The following RGS18 variants were observed in gnomAD, a reference collection of about 807,000 sequenced individuals.
The protein encoded by RGS18 is regulator of G-protein signaling 18.
A neutral mutation model predicts 27.6 loss-of-function variants in RGS18; 22 were observed. The observed-to-expected ratio is 0.80, with a 90% CI of 0.57 to 1.14. The LOEUF is 1.14. Ranked by LOEUF, RGS18 falls within the 50% of genes most tolerant of loss-of-function variation. The probability of loss-of-function intolerance (pLI) is 0.00; values close to 1 mark genes in which losing one functional copy is unlikely to be tolerated. For missense variants in RGS18, 299 were observed against 269.6 expected, an observed-to-expected ratio of 1.11 and a Z score of -0.76; for synonymous variants, 89 against 84.6, an observed-to-expected ratio of 1.05 and a Z score of -0.29.
chr1:192,184,508 G>A lies in RGS18; in HGVS notation c.662G>A (p.Cys221Tyr), dbSNP rs1656511795. ...NLRRRSRSFT[C>Y]NEFQDVQSDV... is the part of the protein sequence containing the mutation. Reference sequence around the variant, plus strand: ...AGGAGACGATCACGCTCATTTACCTGCAATGAATTCCAAGATGTACAATCA... The same window carrying A: ...AGGAGACGATCACGCTCATTTACCTACAATGAATTCCAAGATGTACAATCA... The change falls in exon 5 of 5, where the codon TGC becomes TAC. Residue 221 changes from cysteine (C) to tyrosine (Y), a missense_variant. Transcript: ENST00000367460. 6.2e-7 allele frequency: 1 copy of A among 1,611,294 alleles called. No homozygotes were observed. Among genetic ancestry groups the A allele is most frequent in the Non-Finnish European group, 8.5e-7 (1 of 1,178,346 alleles).
chr1:192,161,719 G>C (rs982464079), intron 3 of RGS18, among the ~76,000 whole-genome samples: 1 of 152,184 alleles, frequency 6.6e-6, no homozygotes, highest in East Asian at 1.9e-4. Flanking sequence ...AGCGTTGCCC[G>C]TGTCTTTCAC....
intron 3 of RGS18, among the ~76,000 whole-genome samples, chr1:192,174,736 C>T (rs1162517970): frequency 6.6e-6 from 1 of 151,870 alleles, no homozygotes; most frequent in Non-Finnish European, 1.5e-5. Flanking sequence ...TGCTTAACCT[C>T]TGCACTGTGT....
chr1:192,160,637 G>T (rs1656053622), intron 3 of RGS18, 198 bp downstream of exon 3: 1 of 505,218 alleles, frequency 2.0e-6, no homozygotes, highest in Non-Finnish European at 3.5e-6. Flanking sequence ...ATTTTGTTTA[G>T]AATTACCTAC....
chr1:192,169,527 C>T (rs958576594), intron 3 of RGS18: 17 of 152,040 alleles, frequency 1.1e-4, no homozygotes, highest in African/African-American at 4.1e-4. Context: ...GATAAAATGC[C>T]TCTTTTTGTG....
chr1:192,163,252 G>A (rs971123432), intron 3 of RGS18: 7 of 152,094 alleles, frequency 4.6e-5, no homozygotes, highest in African/African-American at 1.7e-4. Context: ...TTACTAACCA[G>A]CTTAATAATC....
rs150436671 is a variant in RGS18, at chr1:192,185,357, T to C, written c.*803T>C. Reference sequence around the variant, plus strand: ...GCTAAGAAAACTTGCTACTAAACTATTAGGCCATCAATGGCTTGAATAAAA... The same window carrying C: ...GCTAAGAAAACTTGCTACTAAACTACTAGGCCATCAATGGCTTGAATAAAA... On this transcript the variant is annotated 3_prime_UTR_variant, in exon 5 of 5. Transcript: ENST00000367460. The C allele has an allele frequency of 1.1e-3, 168 of 151,656 alleles. 1 individual carries two copies. Among genetic ancestry groups the C allele is most frequent in the African/African-American group, 3.9e-3 (162 of 41,464 alleles). The allele number at this position is 151,656 out of a possible 1,614,324, so 9.4% of individuals were successfully genotyped here. A position where few individuals can be genotyped will look rare whatever the true frequency, so the allele number is the denominator to read the frequency against.
At chr1:192,180,543 T>C (rs1026773718) in intron 3 of RGS18, among the ~76,000 whole-genome samples, 6 of 151,612 alleles carry the variant, frequency 4.0e-5, no homozygotes, top group Non-Finnish European at 7.4e-5. Context: ...TTAGGAGCTA[T>C]AGAAACTAAT....
Position 192,160,614 on chromosome 1 carries a change from TTTAAAAGTTCTCATTTTGTTTAGAA to T in RGS18, c.283+179_283+203del, listed in dbSNP as rs532132768. On this transcript the variant is annotated intron_variant, in intron 3 of 4. Coordinates refer to ENST00000367460, the MANE Select transcript of RGS18 (RefSeq NM_130782.3). ...AGAAAAGTCAAATAATGGAAATTTT[TTTAAAAGTTCTCATTTTGTTTAGAA>T]TTACCTACTGTGGATGAAATATTAG... is the stretch of plus-strand genomic sequence containing the variant. 8.0e-4 allele frequency: 408 copies of T among 508,206 alleles called. 2 individuals are homozygous for T. The highest frequency in any genetic ancestry group is 6.6e-3 in the African/African-American group (343 of 52,304). The allele number at this position is 508,206 out of a possible 1,614,324, so 31.5% of individuals were successfully genotyped here.
At chr1:192,180,032 G>GTT (rs1415129736) in intron 3 of RGS18, among the ~76,000 whole-genome samples, 1 of 151,516 alleles carries the variant, frequency 6.6e-6, no homozygotes, top group East Asian at 1.9e-4. Flanking sequence ...AAATAAAAAA[G>GTT]TTTAACTTTT....
chr1:192,158,890 ACACC>A, intron 1 of RGS18, 134 bp downstream of exon 1: 1 of 678,480 alleles, frequency 1.5e-6, no homozygotes, highest in Non-Finnish European at 2.5e-6. Flanking sequence ...GGAAAAAAAA[ACACC>A]TTTTTATTTC....
intron 3 of RGS18, among the ~76,000 whole-genome samples, chr1:192,180,007 T>A (rs1656424237): frequency 6.6e-6 from 1 of 151,600 alleles, no homozygotes; most frequent in Admixed American, 6.6e-5. Context: ...TTCATGTAAA[T>A]CTATAATTTT....
At chr1:192,161,219 A>C (rs1030172356) in intron 3 of RGS18, among the ~76,000 whole-genome samples, 2 of 152,230 alleles carry the variant, frequency 1.3e-5, no homozygotes, top group African/African-American at 2.4e-5. Flanking sequence ...GTCTATTTTT[A>C]AAGCAGAATT....
intron 3 of RGS18, among the ~76,000 whole-genome samples, chr1:192,173,597 G>A (rs1429409016): frequency 6.6e-6 from 1 of 151,888 alleles, no homozygotes; most frequent in East Asian, 1.9e-4. Flanking sequence ...GGAGAGAAAT[G>A]TTTTATTATA....
intron 3 of RGS18, among the ~76,000 whole-genome samples, chr1:192,174,759 C>T (rs79345225): frequency 4.0e-5 from 6 of 151,686 alleles, no homozygotes; most frequent in African/African-American, 9.7e-5. Flanking sequence ...CATTTTTATC[C>T]GTTTTCTTCA....
At chr1:192,172,700 G>A (rs988815286) in intron 3 of RGS18, among the ~76,000 whole-genome samples, 27 of 151,432 alleles carry the variant, frequency 1.8e-4, no homozygotes, top group African/African-American at 4.4e-4. Flanking sequence ...TTAAGGACTC[G>A]CGTGATTAGA....
intron 3 of RGS18, chr1:192,167,782 T>C (rs1238172182): frequency 6.6e-6 from 1 of 152,174 alleles, no homozygotes; most frequent in Non-Finnish European, 1.5e-5. Context: ...GTCCTAATTA[T>C]AACTCATCAC....
At chr1:192,161,997 A>G (rs1161199674) in intron 3 of RGS18, among the ~76,000 whole-genome samples, 2 of 152,236 alleles carry the variant, frequency 1.3e-5, no homozygotes, top group African/African-American at 4.8e-5. Flanking sequence ...TGCCAATGAA[A>G]GTAGATGGCT....
intron 3 of RGS18, among the ~76,000 whole-genome samples, chr1:192,175,555 A>C (rs1368750647): frequency 6.6e-6 from 1 of 151,906 alleles, no homozygotes; most frequent in Non-Finnish European, 1.5e-5. Context: ...TTATACCAGA[A>C]ACACGAACTT....
chr1:192,163,084 TCTGA>T (rs1281297570), intron 3 of RGS18, among the ~76,000 whole-genome samples: 2 of 152,196 alleles, frequency 1.3e-5, no homozygotes, highest in African/African-American at 2.4e-5. Flanking sequence ...TCCTAATCAC[TCTGA>T]CTTTCAGCTT....
Sources: gnomAD v4.1 joint callset for allele counts (sites outside exome capture counted in the v4.1 genomes callset) on GRCh38, gnomAD v4.1.1 for gene constraint, MANE v1.5 for transcripts, NCBI Gene and HGNC (gene_info 2026-07-23, HGNC 2026-07-21) for gene names.